SLF1: variants seen among roughly 807,000 people sequenced by gnomAD.
SLF1 encodes SMC5-SMC6 complex localization factor protein 1.
SLF1 carries 105 observed loss-of-function variants against 123.0 expected under a neutral mutation model. The ratio of observed to expected loss-of-function variants is 0.85; its 90% confidence interval spans 0.73 to 1.00. SLF1 has a LOEUF of 1.00. Ranked by LOEUF, SLF1 falls within the 50% of genes least tolerant of loss-of-function variation. The pLI is 0.00. For missense variants in SLF1, 1,239 were observed against 1,223.0 expected (o/e 1.01, Z -0.20); for synonymous variants, 434 against 406.6 (o/e 1.07, Z -0.81).
intron 15 of SLF1, among the ~76,000 whole-genome samples, chr5:94,680,303 T>G (rs1751617149): frequency 6.6e-6 from 1 of 152,172 alleles, no homozygotes; most frequent in Admixed American, 6.5e-5. Flanking sequence ...CTCTTTTATT[T>G]TTTTCTTTTT....
intron 18 of SLF1, 133 bp from the exon 19 acceptor site, chr5:94,691,430 TA>T (rs1753042982): frequency 2.8e-6 from 1 of 358,790 alleles, no homozygotes; most frequent in African/African-American, 2.4e-5. Context: ...AGGGGATGTT[TA>T]AACCAGTCAA....
At chr5:94,638,740 T>C (rs1324322525) in intron 4 of SLF1, among the ~76,000 whole-genome samples, 1 of 152,202 alleles carries the variant, frequency 6.6e-6, no homozygotes, top group African/African-American at 2.4e-5. Flanking sequence ...TCTCACAGTT[T>C]TTATGAAGTT....
chr5:94,691,561 C>T lies in SLF1; in HGVS notation c.2420-3C>T, dbSNP rs1753057275. 6.2e-7 allele frequency: 1 copy of T among 1,602,332 alleles called. No individual in the cohort carries two copies. On this transcript the variant is annotated splice_region_variant and splice_polypyrimidine_tract_variant and intron_variant, in intron 18 of 20. Coordinates refer to ENST00000265140, the MANE Select transcript of SLF1 (RefSeq NM_032290.4). ...GGAATAATCTATTAATTTTTTATGGCAGGAGAAACAGCCCTGCATAGAGCT... is the reference window on the plus strand; with the variant it reads ...GGAATAATCTATTAATTTTTTATGGTAGGAGAAACAGCCCTGCATAGAGCT...
rs1287316456 is a variant in SLF1 at position 94,670,839 on chromosome 5, T to C, written c.1662-4T>C. 1.9e-6 allele frequency: 3 copies of C among 1,542,508 alleles called. No homozygotes were observed. The highest frequency in any genetic ancestry group is 1.4e-5 in the African/African-American group (1 of 72,812). ...GATATACTTTTTGTTTATATTTTAA[T>C]TAGGTTGTATGACTGGTCAGATTCT... On this transcript the variant is annotated splice_polypyrimidine_tract_variant and splice_region_variant and intron_variant, in intron 13 of 20. Coordinates refer to ENST00000265140, the MANE Select transcript of SLF1 (RefSeq NM_032290.4).
intron 18 of SLF1, 29 bp from the exon 19 acceptor site, chr5:94,691,535 T>C (rs781691232): frequency 6.4e-7 from 1 of 1,570,102 alleles, no homozygotes; most frequent in Non-Finnish European, 8.7e-7. Context: ...TTGTCTTCTC[T>C]GGAATAATCT....
intron 4 of SLF1, among the ~76,000 whole-genome samples, chr5:94,639,345 A>C (rs968492806): frequency 3.3e-5 from 5 of 152,166 alleles, no homozygotes; most frequent in African/African-American, 1.2e-4. Context: ...CAGCCATCCC[A>C]TCATTTCTTT....
chr5:94,676,672 T>C (rs1453413316), intron 14 of SLF1, among the ~76,000 whole-genome samples: 1 of 152,252 alleles, frequency 6.6e-6, no homozygotes, highest in Non-Finnish European at 1.5e-5. Flanking sequence ...CCTACACGAA[T>C]GCAGTATGCT....
Position 94,692,083 on chromosome 5 carries a change from GC to G in SLF1, c.2523del (p.Trp842GlyfsTer26). 1.2e-6 allele frequency: 2 copies of G among 1,613,322 alleles called. No homozygotes were observed. Among genetic ancestry groups the G allele is most frequent in the Non-Finnish European group, 1.7e-6 (2 of 1,179,548 alleles). ...GIDINVKDNA[G>X]WTPLHEACNY... ...TTGATTTCTAATTTAGACAATGCTG[GC>G]TGGACGCCTTTGCATGAAGCCTGTA... is the stretch of plus-strand genomic sequence containing the variant. On this transcript the variant is annotated frameshift_variant, in exon 20 of 21. Transcript: ENST00000265140. LOFTEE classifies it high-confidence loss of function.
chr5:94,649,662 A>C, intron 6 of SLF1, 65 bp downstream of exon 6: 1 of 1,306,040 alleles, frequency 7.7e-7, no homozygotes, highest in Admixed American at 3.2e-5. Flanking sequence ...TAAGAGGCAA[A>C]GTATGGTGGA....
At chr5:94,631,841 A>G (rs1245072723) in intron 4 of SLF1, among the ~76,000 whole-genome samples, 5 of 152,196 alleles carry the variant, frequency 3.3e-5, no homozygotes, top group Non-Finnish European at 7.4e-5. Context: ...CTGGCCAGGC[A>G]TAGTGGCTCA....
rs1334136195 is a variant in SLF1, at chr5:94,630,714, A to C, written c.402A>C (p.Arg134Ser). The change falls in exon 4 of 21, where the codon AGA becomes AGC. Residue 134 changes from arginine to serine, a missense_variant. Transcript: ENST00000265140. ...FHRWKVVLLV[R>S]TDKRSDSLIR... ...GATGGAAAGTTGTCCTCCTTGTTAG[A>C]ACTGATAAGCGAAGTGATTCTCTTA... The C allele has an allele frequency of 6.4e-7, 1 of 1,551,638 alleles. No homozygotes were observed. The highest frequency in any genetic ancestry group is 8.7e-7 in the Non-Finnish European group (1 of 1,146,942).
intron 8 of SLF1, among the ~76,000 whole-genome samples, 167 bp downstream of exon 8, chr5:94,653,588 G>T (rs547604099): frequency 6.6e-6 from 1 of 152,204 alleles, no homozygotes; most frequent in Non-Finnish European, 1.5e-5. Flanking sequence ...AAATGTACTT[G>T]TACATGCATA....
chr5:94,640,224 G>T (rs1746291165), intron 4 of SLF1, among the ~76,000 whole-genome samples: 1 of 152,100 alleles, frequency 6.6e-6, no homozygotes, highest in Admixed American at 6.5e-5. Flanking sequence ...ATTTGAGAAG[G>T]TGTTTATTTT....
At chr5:94,678,125 T>G (rs555206041) in intron 14 of SLF1, among the ~76,000 whole-genome samples, 61 of 152,270 alleles carry the variant, frequency 4.0e-4, no homozygotes, top group African/African-American at 1.4e-3. Flanking sequence ...TTTCACCGTG[T>G]TAGCCAGGAT....
chr5:94,674,805 G>A (rs956397826), intron 14 of SLF1, among the ~76,000 whole-genome samples: 4 of 152,220 alleles, frequency 2.6e-5, no homozygotes, highest in Non-Finnish European at 5.9e-5. Context: ...GCTGTGTCAA[G>A]GTTATGGAGG....
rs35726495 is a variant in SLF1, at chr5:94,653,003, A to G, written c.883-269A>G. 2.0e-3 allele frequency among the ~76,000 whole-genome samples: 307 copies of G among 152,220 alleles called. 1 individual carries two copies. Among genetic ancestry groups the G allele is most frequent in the Middle Eastern group, 0.017 (5 of 294 alleles). On this transcript the variant is annotated intron_variant, in intron 7 of 20. Transcript: ENST00000265140. Reference sequence around the variant, plus strand: ...CTCCCAAGTAGCTGGGATTACAGGCATGTGCCACCACGCCTGGCTAATTTT... The same window carrying G: ...CTCCCAAGTAGCTGGGATTACAGGCGTGTGCCACCACGCCTGGCTAATTTT...
rs538049515 is a variant in SLF1, at chr5:94,696,723, G to T, written c.*1411G>T. 7.9e-4 allele frequency: 120 copies of T among 151,826 alleles called. 1 individual carries two copies. Among genetic ancestry groups the T allele is most frequent in the Admixed American group, 2.2e-3 (34 of 15,206 alleles). 9.4% of individuals were successfully genotyped at this position (151,826 alleles called of 1,614,324 possible). A position where few individuals can be genotyped will look rare whatever the true frequency, so the allele number is the denominator to read the frequency against. On this transcript the variant is annotated 3_prime_UTR_variant, in exon 21 of 21. Coordinates refer to ENST00000265140, the MANE Select transcript of SLF1 (RefSeq NM_032290.4). ...AACTAATATAAACTTGTAAACATAG[G>T]CTTTGACATCATACACATTTTCAAA...
rs1435818405 is a variant in SLF1, at chr5:94,669,211, ATC to A, written c.1533-936_1533-935del. 2.6e-5 allele frequency among the ~76,000 whole-genome samples: 4 copies of A among 152,178 alleles called. No homozygotes were observed. In the East Asian group the frequency reaches 7.7e-4, roughly 29 times the overall value. On this transcript the variant is annotated intron_variant, in intron 12 of 20. Coordinates refer to ENST00000265140, the MANE Select transcript of SLF1 (RefSeq NM_032290.4). ...ATGCATAGAGAAACGTAAGTTCTCT[ATC>A]TCTGACAGTTTTCAGAAAGACTGAT...
At position 94,643,316 on chromosome 5, in the gene SLF1, T is replaced by C; in HGVS notation, c.475T>C (p.Ser159Pro). The C allele has an allele frequency of 6.5e-7, 1 of 1,542,722 alleles. No individual in the cohort carries two copies. The highest frequency in any genetic ancestry group is 8.7e-7 in the Non-Finnish European group (1 of 1,143,804). ...GGCAAATGTTATTTTACCAAAAAGT[T>C]CACCAAGTGGAATAACTCATGTGAT... is the stretch of plus-strand genomic sequence containing the variant. ...GKANVILPKS[S>P]PSGITHVIAS... is the part of the protein sequence containing the mutation. The change falls in exon 5 of 21, where the codon TCA becomes CCA. Residue 159 changes from serine to proline, a missense_variant. Coordinates refer to ENST00000265140, the MANE Select transcript of SLF1 (RefSeq NM_032290.4).
Sources: gnomAD v4.1 joint callset for allele counts (sites outside exome capture counted in the v4.1 genomes callset) on GRCh38, gnomAD v4.1.1 for gene constraint, MANE v1.5 for transcripts, NCBI Gene and HGNC (gene_info 2026-07-23, HGNC 2026-07-21) for gene names.